Variants in CDK6 observed in about 807,000 individuals in gnomAD.
CDK6 encodes cyclin-dependent kinase 6.
In CDK6, 6 loss-of-function variants were observed where a neutral mutation model predicts 37.1. The ratio of observed to expected loss-of-function variants is 0.16; its 90% CI spans 0.09 to 0.32. The LOEUF is 0.32. Among genes scored for constraint, CDK6 ranks in the 10% least tolerant of loss-of-function variants. The probability of loss-of-function intolerance (pLI) is 1.00; values close to 1 mark genes in which losing one functional copy is unlikely to be tolerated. For missense variants in CDK6, 224 were observed against 418.9 expected (o/e 0.53, Z 4.06); for synonymous variants, 160 against 161.3 (o/e 0.99, Z 0.06).
chr7:92,797,405 C>T (rs1254846620), intron 2 of CDK6, among the ~76,000 whole-genome samples: 1 of 152,158 alleles, frequency 6.6e-6, no homozygotes, highest in Non-Finnish European at 1.5e-5. Context: ...TTTGTTCAAA[C>T]CTCAGTTTTC....
At chr7:92,825,394 G>A (rs955870340) in intron 2 of CDK6, among the ~76,000 whole-genome samples, 1 of 151,926 alleles carries the variant, frequency 6.6e-6, no homozygotes, top group Non-Finnish European at 1.5e-5. Flanking sequence ...GATACTGCAA[G>A]GAACAAGACA....
At position 92,613,584 on chromosome 7, in the gene CDK6, A is replaced by G. The variant is rs1031586704; in HGVS notation, c.*1556T>C. 4.3e-6 allele frequency: 1 copy of G among 233,566 alleles called. No homozygotes were observed. The allele number at this position is 233,566 out of a possible 1,614,324, so 14.5% of individuals were successfully genotyped here. A position where few individuals can be genotyped will look rare whatever the true frequency, so the allele number is the denominator to read the frequency against. Reference sequence around the variant, plus strand: ...TGCCCAGGCCAGGCTGGCTCTGTAGAGAGCAGGAGTGAGCACAAGGCACTA... The same window carrying G: ...TGCCCAGGCCAGGCTGGCTCTGTAGGGAGCAGGAGTGAGCACAAGGCACTA... On this transcript the variant is annotated 3_prime_UTR_variant, in exon 8 of 8. Coordinates refer to ENST00000424848, the MANE Select transcript of CDK6 (RefSeq NM_001145306.2).
chr7:92,649,173 C>T (rs1035121170), intron 5 of CDK6, among the ~76,000 whole-genome samples: 2 of 152,142 alleles, frequency 1.3e-5, no homozygotes, highest in African/African-American at 2.4e-5. Flanking sequence ...CCTTTAAGCT[C>T]GTGTTTCCCA....
intron 5 of CDK6, among the ~76,000 whole-genome samples, chr7:92,629,332 C>T (rs1035894164): frequency 6.6e-6 from 1 of 151,852 alleles, no homozygotes; most frequent in Non-Finnish European, 1.5e-5. Context: ...TCCTTGTTAC[C>T]GATGTGAATA....
intron 5 of CDK6, among the ~76,000 whole-genome samples, chr7:92,639,519 C>T (rs1796253260): frequency 6.6e-6 from 1 of 152,202 alleles, no homozygotes; most frequent in African/African-American, 2.4e-5. Flanking sequence ...TTCCTGTTCT[C>T]ACTGGAAAAT....
chr7:92,644,096 A>G (rs1292099746), intron 5 of CDK6, among the ~76,000 whole-genome samples: 1 of 152,240 alleles, frequency 6.6e-6, no homozygotes, highest in Admixed American at 6.5e-5. Flanking sequence ...CTATCTGTGC[A>G]GTGGTCAGAT....
At chr7:92,639,443 T>C (rs1266277730) in intron 5 of CDK6, among the ~76,000 whole-genome samples, 2 of 152,200 alleles carry the variant, frequency 1.3e-5, no homozygotes, top group Non-Finnish European at 2.9e-5. Flanking sequence ...CGCTATTCTC[T>C]TCCTTCAAGA....
At chr7:92,739,186 T>C (rs1028734178) in intron 3 of CDK6, among the ~76,000 whole-genome samples, 2 of 152,208 alleles carry the variant, frequency 1.3e-5, no homozygotes, top group African/African-American at 4.8e-5. Context: ...TTTGCAATTA[T>C]ACTTCTCAAG....
intron 5 of CDK6, among the ~76,000 whole-genome samples, chr7:92,650,340 C>T (rs2116556894): frequency 6.6e-6 from 1 of 152,298 alleles, no homozygotes; most frequent in South Asian, 2.1e-4. Flanking sequence ...ACTGTGTAGA[C>T]ATTCTCAGCC....
At chr7:92,790,208 T>C (rs781176168) in intron 2 of CDK6, among the ~76,000 whole-genome samples, 30 of 152,190 alleles carry the variant, frequency 2.0e-4, no homozygotes, top group Non-Finnish European at 4.0e-4. Flanking sequence ...TCCAAATAAT[T>C]TTCTAAACCC....
At chr7:92,633,244 T>C (rs964533073) in intron 5 of CDK6, among the ~76,000 whole-genome samples, 1 of 152,168 alleles carries the variant, frequency 6.6e-6, no homozygotes, top group African/African-American at 2.4e-5. Context: ...AATATGCCTA[T>C]CCAGCACACT....
chr7:92,619,823 T>A (rs545086134), intron 6 of CDK6, among the ~76,000 whole-genome samples: 6 of 151,692 alleles, frequency 4.0e-5, no homozygotes, highest in Non-Finnish European at 5.9e-5. Flanking sequence ...AAGCAATAAA[T>A]AGAAATGACA....
chr7:92,644,742 C>A (rs3731340), intron 5 of CDK6, among the ~76,000 whole-genome samples: 1 of 152,206 alleles, frequency 6.6e-6, no homozygotes, highest in African/African-American at 2.4e-5. Flanking sequence ...TCACACATTA[C>A]CAGGACCTTA....
At chr7:92,734,280 A>G (rs1798729864) in intron 3 of CDK6, among the ~76,000 whole-genome samples, 1 of 152,054 alleles carries the variant, frequency 6.6e-6, no homozygotes. Context: ...CCTTCCTCAC[A>G]TATACCATTA....
intron 2 of CDK6, among the ~76,000 whole-genome samples, chr7:92,800,695 A>G (rs990135830): frequency 6.6e-6 from 1 of 152,236 alleles, no homozygotes; most frequent in Non-Finnish European, 1.5e-5. Context: ...GGCACTATTT[A>G]TGAACATGTT....
chr7:92,800,854 G>C, intron 2 of CDK6, among the ~76,000 whole-genome samples: 1 of 152,188 alleles, frequency 6.6e-6, no homozygotes, highest in African/African-American at 2.4e-5. Flanking sequence ...AATGGACTCT[G>C]AGGAAACCTA....
intron 4 of CDK6, among the ~76,000 whole-genome samples, chr7:92,689,009 A>C (rs1467498469): frequency 6.6e-6 from 1 of 152,140 alleles, no homozygotes; most frequent in Non-Finnish European, 1.5e-5. Flanking sequence ...TTTTCCTTGT[A>C]GTTTAGAAAC....
intron 3 of CDK6, among the ~76,000 whole-genome samples, chr7:92,732,593 T>C (rs1798676085): frequency 6.6e-6 from 1 of 151,374 alleles, no homozygotes; most frequent in Admixed American, 6.6e-5. Context: ...GAACAGATAA[T>C]TATTTGTGTG....
chr7:92,639,391 G>A (rs954400740), intron 5 of CDK6, among the ~76,000 whole-genome samples: 1 of 152,202 alleles, frequency 6.6e-6, no homozygotes, highest in African/African-American at 2.4e-5. Flanking sequence ...TTAGTGGTCT[G>A]AGGAGCATGT....
Sources: allele counts gnomAD v4.1 joint callset (sites outside exome capture counted in the v4.1 genomes callset), GRCh38; gene constraint gnomAD v4.1.1; transcripts MANE v1.5; gene names NCBI Gene and HGNC (gene_info 2026-07-23, HGNC 2026-07-21).